ALK: variants seen among roughly 807,000 people sequenced by gnomAD.
ALK encodes ALK receptor tyrosine kinase.
Under a neutral mutation model 163.1 loss-of-function variants are expected in ALK, and 74 were observed. The observed-to-expected ratio is 0.45, with a 90% CI of 0.38 to 0.55. The LOEUF (loss-of-function observed/expected upper bound fraction) is 0.55. Ranked by LOEUF, ALK falls within the 20% of genes least tolerant of loss-of-function variation. The pLI is 0.00. For missense variants in ALK, 2,063 were observed against 2,105.3 expected, an observed-to-expected ratio of 0.98 and a Z score of 0.39; for synonymous variants, 960 against 843.2, an observed-to-expected ratio of 1.14 and a Z score of -2.40.
intron 4 of ALK, among the ~76,000 whole-genome samples, chr2:29,430,468 C>T (rs184491807): frequency 6.6e-6 from 1 of 152,322 alleles, no homozygotes; most frequent in Admixed American, 6.5e-5. Flanking sequence ...CAGTCTTTAA[C>T]ACAACTACTC....
chr2:29,559,311 T>C (rs371772940), intron 3 of ALK, among the ~76,000 whole-genome samples: 8 of 152,312 alleles, frequency 5.3e-5, no homozygotes, highest in African/African-American at 1.9e-4. Flanking sequence ...ATTAGAAATT[T>C]AGAGAGCCAA....
At chr2:29,505,659 C>A (rs550296172) in intron 4 of ALK, among the ~76,000 whole-genome samples, 1 of 152,144 alleles carries the variant, frequency 6.6e-6, no homozygotes, top group South Asian at 2.1e-4. Flanking sequence ...AGGCTTCAGG[C>A]ACTTGCTTCA....
intron 4 of ALK, among the ~76,000 whole-genome samples, chr2:29,513,917 C>T (rs1159439751): frequency 1.5e-5 from 2 of 135,362 alleles, no homozygotes; most frequent in Admixed American, 1.5e-4. Context: ...CATCACTGGC[C>T]ATCAGAGAAA....
intron 1 of ALK, among the ~76,000 whole-genome samples, chr2:29,834,284 C>T (rs929528917): frequency 6.6e-6 from 1 of 152,124 alleles, no homozygotes; most frequent in Non-Finnish European, 1.5e-5. Flanking sequence ...ATGGTACTCA[C>T]CCAATTAGAA....
intron 13 of ALK, among the ~76,000 whole-genome samples, chr2:29,238,185 TTTAA>T (rs1664431834): frequency 6.6e-6 from 1 of 152,136 alleles, no homozygotes; most frequent in Non-Finnish European, 1.5e-5. Flanking sequence ...CATCCGGCAG[TTTAA>T]TTATTTTTTA....
chr2:29,911,716 C>T (rs1360691019), intron 1 of ALK, among the ~76,000 whole-genome samples: 1 of 152,064 alleles, frequency 6.6e-6, no homozygotes, highest in Non-Finnish European at 1.5e-5. Context: ...TCAGACCAAA[C>T]AATGTAATGT....
intron 1 of ALK, among the ~76,000 whole-genome samples, chr2:29,889,603 G>A (rs1282087090): frequency 2.0e-5 from 3 of 151,882 alleles, no homozygotes; most frequent in African/African-American, 7.3e-5. Flanking sequence ...GAGACAGCAG[G>A]GGAAAACACC....
At chr2:29,425,476 G>C (rs1670114070) in intron 4 of ALK, among the ~76,000 whole-genome samples, 1 of 152,218 alleles carries the variant, frequency 6.6e-6, no homozygotes, top group Non-Finnish European at 1.5e-5. Flanking sequence ...CTCCCTCATA[G>C]AGTGGAGTCT....
At chr2:29,238,465 G>A (rs1191987487) in intron 13 of ALK, among the ~76,000 whole-genome samples, 1 of 152,130 alleles carries the variant, frequency 6.6e-6, no homozygotes, top group Non-Finnish European at 1.5e-5. Flanking sequence ...CCAACTTGCT[G>A]GGATTACAGG....
chr2:29,567,540 T>G (rs1386556130), intron 3 of ALK, among the ~76,000 whole-genome samples: 2 of 152,336 alleles, frequency 1.3e-5, no homozygotes, highest in East Asian at 3.9e-4. Flanking sequence ...TTTGGAAGAC[T>G]CTTGCCTTCA....
chr2:29,661,330 T>C (rs1677339795), intron 3 of ALK, among the ~76,000 whole-genome samples: 1 of 152,168 alleles, frequency 6.6e-6, no homozygotes, highest in Non-Finnish European at 1.5e-5. Flanking sequence ...AGGGGCTTTC[T>C]AACAGGCCAG....
chr2:29,345,435 TAAA>T (rs1416089749), intron 5 of ALK, among the ~76,000 whole-genome samples: 5 of 149,854 alleles, frequency 3.3e-5, no homozygotes, highest in Non-Finnish European at 7.4e-5. Flanking sequence ...AATAAATAAA[TAAA>T]TAAATAAATA....
chr2:29,604,895 T>A (rs1031791794), intron 3 of ALK, among the ~76,000 whole-genome samples: 2 of 152,188 alleles, frequency 1.3e-5, no homozygotes, highest in Non-Finnish European at 2.9e-5. Flanking sequence ...TTAACTCTTG[T>A]CTCTTAAAAG....
rs942224056 is a variant in ALK at position 29,448,549 on chromosome 2, C to T, written c.1155-64690G>A. Among the ~76,000 whole-genome samples the T allele has an allele frequency of 2.6e-5, 4 of 152,300 alleles. No homozygotes were observed. The East Asian group carries it at 7.7e-4, about 29-fold the overall frequency. On this transcript the variant is annotated intron_variant, in intron 4 of 28. Transcript: ENST00000389048. The stretch of plus-strand genomic sequence containing the variant: ...AAATAACAGTGTCATCCTGGAACAG[C>T]AGACACTGATATATGTGTTTGGGGA...
At chr2:29,726,937 G>C (rs1679592240) in intron 1 of ALK, among the ~76,000 whole-genome samples, 3 of 152,208 alleles carry the variant, frequency 2.0e-5, no homozygotes, top group Admixed American at 2.0e-4. Context: ...GGACCAGCTA[G>C]GAATGCCACT....
At chr2:29,756,675 C>T (rs1019369744) in intron 1 of ALK, among the ~76,000 whole-genome samples, 3 of 152,094 alleles carry the variant, frequency 2.0e-5, no homozygotes, top group Non-Finnish European at 4.4e-5. Context: ...TACAGGCACG[C>T]ACCACCACGA....
At chr2:29,288,128 T>A (rs573393460) in intron 9 of ALK, among the ~76,000 whole-genome samples, 35 of 152,252 alleles carry the variant, frequency 2.3e-4, no homozygotes, top group African/African-American at 8.4e-4. Context: ...TTCACAGCTA[T>A]AGCCTTCCCC....
At position 29,354,588 on chromosome 2, in the gene ALK, T is replaced by TAG. The variant is rs6146695; in HGVS notation, c.1283-26109_1283-26108dup. 4.8e-3 allele frequency among the ~76,000 whole-genome samples: 714 copies of TAG among 149,520 alleles called. 8 individuals carry two copies. The highest frequency in any genetic ancestry group is 0.017 in the African/African-American group (674 of 40,628). On this transcript the variant is annotated intron_variant, in intron 5 of 28. Transcript: ENST00000389048. ...ATCCTTCTTCTCAATGTCCCAGTTT[T>TAG]AGAGAGAGAGAGAGAGAGAGAGAGA... is the stretch of plus-strand genomic sequence containing the variant.
intron 4 of ALK, among the ~76,000 whole-genome samples, chr2:29,483,236 AC>A (rs1407767859): frequency 6.6e-6 from 1 of 152,192 alleles, no homozygotes; most frequent in African/African-American, 2.4e-5. Context: ...ATGGTGTTAA[AC>A]CCTGTCTGTA....
Sources: allele counts gnomAD v4.1 joint callset (sites outside exome capture counted in the v4.1 genomes callset), GRCh38; gene constraint gnomAD v4.1.1; transcripts MANE v1.5; gene names NCBI Gene and HGNC (gene_info 2026-07-23, HGNC 2026-07-21).